DCP1B: variants seen among roughly 807,000 people sequenced by gnomAD.
The protein encoded by DCP1B is mRNA-decapping enzyme 1B.
DCP1B carries 47 observed loss-of-function variants against 60.5 expected under a neutral mutation model. The observed-to-expected ratio is 0.78, with a 90% CI of 0.61 to 0.99. DCP1B has a LOEUF of 0.99. Among genes scored for constraint, DCP1B ranks in the 50% least tolerant of loss-of-function variants. DCP1B has a pLI of 0.00. For synonymous variants in DCP1B, 267 were observed against 280.3 expected, an observed-to-expected ratio of 0.95 and a Z score of 0.47; for missense variants, 725 against 756.8, an observed-to-expected ratio of 0.96 and a Z score of 0.49.
intron 3 of DCP1B, among the ~76,000 whole-genome samples, chr12:1,968,444 CTG>C (rs1481700264): frequency 2.6e-5 from 4 of 151,426 alleles, no homozygotes; most frequent in African/African-American, 9.7e-5. Flanking sequence ...ATTGAAGAAA[CTG>C]TGCTCCGCGT....
chr12:1,979,052 C>T (rs2035297959), intron 3 of DCP1B, among the ~76,000 whole-genome samples: 1 of 152,194 alleles, frequency 6.6e-6, no homozygotes, highest in Admixed American at 6.5e-5. Context: ...CTCTGTCACC[C>T]AGGCTGGAGT....
At chr12:1,977,419 A>C (rs892857213) in intron 3 of DCP1B, among the ~76,000 whole-genome samples, 1 of 152,222 alleles carries the variant, frequency 6.6e-6, no homozygotes, top group Non-Finnish European at 1.5e-5. Context: ...CACTCCAAGC[A>C]GCGTATCTTC....
intron 5 of DCP1B, among the ~76,000 whole-genome samples, chr12:1,957,437 GATT>G (rs1250839483): frequency 2.0e-5 from 3 of 152,106 alleles, no homozygotes; most frequent in Non-Finnish European, 2.9e-5. Context: ...CAGTTTATAG[GATT>G]ATTGGTGATT....
In DCP1B at chr12:1,948,565, G is replaced by C. The variant is rs117930541; in HGVS notation, c.1773+521C>G. Among the ~76,000 whole-genome samples the C allele has an allele frequency of 0.016, 2,487 of 152,310 alleles. 40 individuals are homozygous for C. The highest frequency in any genetic ancestry group is 0.02 in the Non-Finnish European group (1,386 of 68,020). ...GCAAGTGAGGCTAGCAGCTCACAAG[G>C]AGTCCTGTCACTCCATCCCGTCCTA... On this transcript the variant is annotated intron_variant, in intron 8 of 8. Coordinates refer to ENST00000280665, the MANE Select transcript of DCP1B (RefSeq NM_152640.5). The surrounding 1 kb of genome is among the most constrained non-coding windows in gnomAD (Gnocchi z 4.8).
In DCP1B at chr12:1,948,529, T is replaced by A. The variant is rs1345967124; in HGVS notation, c.1773+557A>T. Among the ~76,000 whole-genome samples the A allele has an allele frequency of 6.6e-6, 1 of 152,222 alleles. No individual in the cohort carries two copies. Among genetic ancestry groups the A allele is most frequent in the African/African-American group, 2.4e-5 (1 of 41,448 alleles). The stretch of plus-strand genomic sequence containing the variant: ...TATTATAGCACTCATTATTATTTCA[T>A]AATTTCATAGGCAAGTGAGGCTAGC... On this transcript the variant is annotated intron_variant, in intron 8 of 8. Coordinates refer to ENST00000280665, the MANE Select transcript of DCP1B (RefSeq NM_152640.5). This position sits in a 1 kb window ranked among gnomAD's most constrained non-coding sequence, Gnocchi z 4.8.
At position 2,003,376 on chromosome 12, in the gene DCP1B, T is replaced by C. The variant is rs533033574; in HGVS notation, c.150+906A>G. Among the ~76,000 whole-genome samples, 6 of 152,384 alleles carry C rather than the reference T, an allele frequency of 3.9e-5. No homozygotes were observed. The South Asian group carries it at 1.2e-3, about 32-fold the overall frequency. On this transcript the variant is annotated intron_variant, in intron 1 of 8. Transcript: ENST00000280665. ...CAAGGCTAAGTTCTCCATACTGTTTTGTAACTTATTTTAAAATGATGGATA... is the reference window on the plus strand; with the variant it reads ...CAAGGCTAAGTTCTCCATACTGTTTCGTAACTTATTTTAAAATGATGGATA...
rs1487767083 is a variant in DCP1B at position 2,004,453 on chromosome 12, G to T, written c.-22C>A. ...CCATCTTCCCTCCCTCCCAGACATA[G>T]GCACGGGGCTCTTGGAAGCCACTCT... On this transcript the variant is annotated 5_prime_UTR_variant, in exon 1 of 9. Coordinates refer to ENST00000280665, the MANE Select transcript of DCP1B (RefSeq NM_152640.5). 6.3e-7 allele frequency: 1 copy of T among 1,594,810 alleles called. No homozygotes were observed. Among genetic ancestry groups the T allele is most frequent in the Non-Finnish European group, 8.5e-7 (1 of 1,170,890 alleles).
intron 4 of DCP1B, among the ~76,000 whole-genome samples, chr12:1,966,572 G>A (rs1179214868): frequency 6.6e-6 from 1 of 152,188 alleles, no homozygotes. Context: ...CTTATTGCTA[G>A]TAAATAATCA....
At chr12:1,999,533 C>T (rs554781685) in intron 1 of DCP1B, among the ~76,000 whole-genome samples, 74 of 152,170 alleles carry the variant, frequency 4.9e-4, no homozygotes, top group African/African-American at 1.7e-3. Flanking sequence ...CCAGCCTGGG[C>T]AACATAGTGA....
intron 3 of DCP1B, chr12:1,992,988 TAAG>T (rs759975270): frequency 8.1e-6 from 5 of 617,600 alleles, no homozygotes; most frequent in Non-Finnish European, 1.4e-5. Context: ...TGCTCAGGCT[TAAG>T]ATCAGCAATG....
chr12:1,946,012 C>G (rs1171479417), downstream of DCP1B: 2 of 457,194 alleles, frequency 4.4e-6, no homozygotes, highest in Non-Finnish European at 3.8e-6. Context: ...GTACATGTAC[C>G]CCAGAACTTA....
chr12:1,967,062 T>A (rs1188480465), intron 4 of DCP1B, among the ~76,000 whole-genome samples: 1 of 152,128 alleles, frequency 6.6e-6, no homozygotes, highest in Non-Finnish European at 1.5e-5. Flanking sequence ...ACTCTTCCCA[T>A]CCCCATAAAT....
At chr12:1,996,661 A>AAAAAT (rs2040988737) in intron 2 of DCP1B, among the ~76,000 whole-genome samples, 1 of 106,360 alleles carries the variant, frequency 9.4e-6, no homozygotes, top group Non-Finnish European at 1.9e-5. Flanking sequence ...AAAAACAACA[A>AAAAAT]ACTCTTCTAA....
Position 1,953,136 on chromosome 12 carries a change from CT to C in DCP1B, c.803del (p.Gln268ArgfsTer115). ...CATAGGACAGGGAGCGTACAACCCCCTGCCTAATTGGAAGCTTCTCTTGCTG... is the reference window on the plus strand; with the variant it reads ...CATAGGACAGGGAGCGTACAACCCCCGCCTAATTGGAAGCTTCTCTTGCTG... ...QQQQEKLPIR[Q>X]GVVRSLSYEE... On this transcript the variant is annotated frameshift_variant, in exon 7 of 9. Transcript: ENST00000280665. LOFTEE classifies it high-confidence loss of function. 1 of 1,612,074 alleles carries C rather than the reference CT, an allele frequency of 6.2e-7. No individual in the cohort carries two copies. Among genetic ancestry groups the C allele is most frequent in the Non-Finnish European group, 8.5e-7 (1 of 1,179,716 alleles).
At chr12:1,949,477 G>T in intron 7 of DCP1B, 143 bp from the exon 8 acceptor site, 1 of 1,108,874 alleles carries the variant, frequency 9.0e-7, no homozygotes, top group Non-Finnish European at 1.3e-6. Context: ...ACTGATTCTT[G>T]CTCCACTGCT....
At chr12:1,998,031 G>A (rs1275704030) in intron 1 of DCP1B, 56 bp from the exon 2 acceptor site, 3 of 1,477,994 alleles carry the variant, frequency 2.0e-6, no homozygotes, top group Non-Finnish European at 1.8e-6. Context: ...ATTCACAAAG[G>A]TATAAAACAA....
chr12:1,999,160 G>A (rs952624194), intron 1 of DCP1B, among the ~76,000 whole-genome samples: 3 of 152,190 alleles, frequency 2.0e-5, no homozygotes, highest in Admixed American at 2.0e-4. Context: ...GAAACTCTGG[G>A]GATGGTGCTC....
At position 1,962,573 on chromosome 12, in the gene DCP1B, G is replaced by A. The variant is rs984173264; in HGVS notation, c.522+2985C>T. Among the ~76,000 whole-genome samples the A allele has an allele frequency of 1.3e-5, 2 of 151,956 alleles. No individual in the cohort carries two copies. The highest frequency in any genetic ancestry group is 4.8e-5 in the African/African-American group (2 of 41,350). The stretch of plus-strand genomic sequence containing the variant: ...CACCTTTTGAAGATTAATCTTTAGT[G>A]TGCATAATATAGTATAATTAATAAA... On this transcript the variant is annotated intron_variant, in intron 5 of 8. Coordinates refer to ENST00000280665, the MANE Select transcript of DCP1B (RefSeq NM_152640.5). This position sits in a 1 kb window ranked among gnomAD's most constrained non-coding sequence, Gnocchi z 4.4.
At chr12:1,964,266 A>T (rs112635584) in intron 5 of DCP1B, among the ~76,000 whole-genome samples, 4,145 of 152,208 alleles carry the variant, frequency 0.027, 95 homozygotes, top group Middle Eastern at 0.054. Context: ...TATAATTTTT[A>T]AAAATTTTTA....
Sources: gnomAD v4.1 joint callset for allele counts (sites outside exome capture counted in the v4.1 genomes callset) on GRCh38, gnomAD v4.1.1 for gene constraint, Gnocchi (gnomAD v3.1) non-coding constraint, MANE v1.5 for transcripts, NCBI Gene and HGNC (gene_info 2026-07-23, HGNC 2026-07-21) for gene names.